Variants in KCNQ3 observed in about 807,000 individuals in gnomAD.
KCNQ3 encodes potassium voltage-gated channel subfamily Q member 3.
KCNQ3 carries 30 observed loss-of-function variants against 92.5 expected under a neutral mutation model. The ratio of observed to expected loss-of-function variants is 0.32; its 90% CI spans 0.24 to 0.44. The LOEUF is 0.44. KCNQ3 is among the 20% of genes least tolerant of loss of function. The pLI, the probability that KCNQ3 is intolerant of heterozygous loss-of-function variation, is 1.00. For missense variants in KCNQ3, 913 were observed against 1,140.3 expected, an observed-to-expected ratio of 0.80 and a Z score of 2.87; for synonymous variants, 450 against 468.8, an observed-to-expected ratio of 0.96 and a Z score of 0.52.
chr8:132,164,341 G>A (rs922154543), intron 8 of KCNQ3, among the ~76,000 whole-genome samples: 9 of 144,912 alleles, frequency 6.2e-5, no homozygotes, highest in South Asian at 4.3e-4. Context: ...ATGTAGTCTC[G>A]TTTTTTTTTT....
intron 9 of KCNQ3, among the ~76,000 whole-genome samples, chr8:132,158,100 A>ATC (rs1825864536): frequency 6.6e-6 from 1 of 152,118 alleles, no homozygotes; most frequent in Admixed American, 6.5e-5. Context: ...ATTGGTCCAA[A>ATC]TCTCACCTCT....
intron 1 of KCNQ3, among the ~76,000 whole-genome samples, chr8:132,405,735 T>A (rs992571427): frequency 6.6e-6 from 1 of 152,226 alleles, no homozygotes; most frequent in Non-Finnish European, 1.5e-5. Context: ...CATTTCTTCA[T>A]TCCATCAACA....
intron 1 of KCNQ3, among the ~76,000 whole-genome samples, chr8:132,374,704 C>G (rs369764665): frequency 1.3e-5 from 2 of 152,074 alleles, no homozygotes; most frequent in Non-Finnish European, 2.9e-5. Context: ...TAGGCCCCAG[C>G]GTCTGTTATT....
At chr8:132,165,538 C>T (rs1241611097) in intron 8 of KCNQ3, among the ~76,000 whole-genome samples, 6 of 152,154 alleles carry the variant, frequency 3.9e-5, no homozygotes, top group Admixed American at 1.3e-4. Context: ...TTCAATCAGC[C>T]GAGACTGAAC....
At chr8:132,205,004 T>C (rs967968589) in intron 1 of KCNQ3, among the ~76,000 whole-genome samples, 17 of 152,172 alleles carry the variant, frequency 1.1e-4, no homozygotes, top group African/African-American at 3.4e-4. Flanking sequence ...CTAATGTCCA[T>C]CCAGGAAAGC....
At chr8:132,300,627 A>G (rs1817183520) in intron 1 of KCNQ3, among the ~76,000 whole-genome samples, 1 of 152,188 alleles carries the variant, frequency 6.6e-6, no homozygotes, top group Admixed American at 6.5e-5. Context: ...CTCATGCCCT[A>G]GCAGGTGAGG....
At chr8:132,416,879 T>C (rs1340121736) in intron 1 of KCNQ3, among the ~76,000 whole-genome samples, 1 of 152,090 alleles carries the variant, frequency 6.6e-6, no homozygotes, top group Non-Finnish European at 1.5e-5. Context: ...GAACTGAAAC[T>C]GAAAGGCAGG....
At chr8:132,470,367 C>CAT (rs1432874133) in intron 1 of KCNQ3, among the ~76,000 whole-genome samples, 4 of 152,156 alleles carry the variant, frequency 2.6e-5, no homozygotes, top group African/African-American at 9.7e-5. Flanking sequence ...ATATAACATA[C>CAT]ATATATATTC....
chr8:132,362,889 G>C (rs149115367), intron 1 of KCNQ3, among the ~76,000 whole-genome samples: 1 of 152,178 alleles, frequency 6.6e-6, no homozygotes, highest in African/African-American at 2.4e-5. Flanking sequence ...GGGCGAGGGC[G>C]GCGTGGGTTG....
chr8:132,299,112 A>G (rs1817137450), intron 1 of KCNQ3, among the ~76,000 whole-genome samples: 1 of 150,116 alleles, frequency 6.7e-6, no homozygotes, highest in African/African-American at 2.4e-5. Context: ...TTCTTGGTTT[A>G]TAAGTAAATG....
At chr8:132,289,260 T>G (rs1816772473) in intron 1 of KCNQ3, among the ~76,000 whole-genome samples, 1 of 152,202 alleles carries the variant, frequency 6.6e-6, no homozygotes, top group Admixed American at 6.5e-5. Context: ...AATGTATGGA[T>G]TTTAATGGTT....
chr8:132,283,767 T>C (rs1816601403), intron 1 of KCNQ3, among the ~76,000 whole-genome samples: 1 of 152,254 alleles, frequency 6.6e-6, no homozygotes, highest in African/African-American at 2.4e-5. Context: ...GTTACACACT[T>C]AGTTCTATAA....
intron 1 of KCNQ3, among the ~76,000 whole-genome samples, chr8:132,266,618 C>T (rs1009669210): frequency 5.9e-5 from 9 of 152,146 alleles, no homozygotes; most frequent in African/African-American, 2.2e-4. Context: ...CCCACTCTTT[C>T]CCCTTCAGAC....
intron 1 of KCNQ3, among the ~76,000 whole-genome samples, chr8:132,434,131 C>T (rs1821323857): frequency 6.7e-6 from 1 of 149,498 alleles, no homozygotes; most frequent in Non-Finnish European, 1.5e-5. Context: ...TGGCGTGAAC[C>T]CGGGAGGCGG....
chr8:132,396,300 C>G (rs1232923005), intron 1 of KCNQ3, among the ~76,000 whole-genome samples: 1 of 151,932 alleles, frequency 6.6e-6, no homozygotes, highest in Non-Finnish European at 1.5e-5. Context: ...CGTACACTGA[C>G]ACTCTGCAAC....
chr8:132,137,754 G>T, intron 12 of KCNQ3, 131 bp downstream of exon 12: 1 of 1,146,172 alleles, frequency 8.7e-7, no homozygotes, highest in Non-Finnish European at 1.3e-6. Flanking sequence ...CATCCACAAG[G>T]CTTCGTGGAT....
intron 12 of KCNQ3, among the ~76,000 whole-genome samples, chr8:132,135,539 T>C (rs977985006): frequency 1.3e-5 from 2 of 152,086 alleles, no homozygotes; most frequent in African/African-American, 4.8e-5. Context: ...CAATCAGAGG[T>C]CCAGATGTTC....
chr8:132,211,481 C>A (rs1237085830), intron 1 of KCNQ3, among the ~76,000 whole-genome samples: 2 of 152,142 alleles, frequency 1.3e-5, no homozygotes, highest in Admixed American at 6.5e-5. Context: ...AGAATTGGCT[C>A]CATTTGCCTG....
chr8:132,334,207 T>G (rs968784120), intron 1 of KCNQ3, among the ~76,000 whole-genome samples: 2 of 151,928 alleles, frequency 1.3e-5, no homozygotes, highest in African/African-American at 4.8e-5. Flanking sequence ...TGTGGCCGGG[T>G]GTGGTGACTC....
Sources: allele counts gnomAD v4.1 joint callset (sites outside exome capture counted in the v4.1 genomes callset), GRCh38; gene constraint gnomAD v4.1.1; transcripts MANE v1.5; gene names NCBI Gene and HGNC (gene_info 2026-07-23, HGNC 2026-07-21).